The following BABAM2 variants were observed in gnomAD, a reference collection of about 807,000 sequenced individuals.
BABAM2 encodes BRISC and BRCA1-A complex member 2.
Under a neutral mutation model 54.7 loss-of-function variants are expected in BABAM2, and 31 were observed. That is an observed-to-expected ratio of 0.57 (90% confidence interval 0.43 to 0.77). The LOEUF (loss-of-function observed/expected upper bound fraction) is 0.77, where lower values mean the gene tolerates loss of function less well. Among genes scored for constraint, BABAM2 ranks in the 30% least tolerant of loss-of-function variants. The probability of loss-of-function intolerance (pLI) is 0.00; values close to 1 mark genes in which losing one functional copy is unlikely to be tolerated. For missense variants in BABAM2, 364 were observed against 455.8 expected, an observed-to-expected ratio of 0.80 and a Z score of 1.83; for synonymous variants, 167 against 162.9, an observed-to-expected ratio of 1.03 and a Z score of -0.19.
chr2:27,934,416 C>G (rs1414248975), intron 3 of BABAM2, among the ~76,000 whole-genome samples: 1 of 152,144 alleles, frequency 6.6e-6, no homozygotes, highest in African/African-American at 2.4e-5. Context: ...CTGTACTGAT[C>G]GTCCTTTTTC....
intron 7 of BABAM2, among the ~76,000 whole-genome samples, chr2:28,220,176 G>T (rs1033880693): frequency 2.0e-5 from 3 of 152,194 alleles, no homozygotes; most frequent in Non-Finnish European, 4.4e-5. Context: ...AGTGTGTAGC[G>T]CAGCAGCGGA....
intron 5 of BABAM2, among the ~76,000 whole-genome samples, chr2:28,035,453 G>C (rs921483435): frequency 1.3e-4 from 20 of 152,176 alleles, no homozygotes; most frequent in Admixed American, 1.2e-3. Context: ...TTTAATTTTT[G>C]CTGCTTGGGA....
At chr2:27,942,268 A>G (rs1453282276) in intron 3 of BABAM2, among the ~76,000 whole-genome samples, 1 of 152,252 alleles carries the variant, frequency 6.6e-6, no homozygotes, top group Non-Finnish European at 1.5e-5. Context: ...TTGTTGCATC[A>G]GCTGAAATAG....
chr2:28,000,483 T>C (rs542451601), intron 4 of BABAM2, among the ~76,000 whole-genome samples: 1 of 152,320 alleles, frequency 6.6e-6, no homozygotes, highest in South Asian at 2.1e-4. Flanking sequence ...ACTATTGATA[T>C]GACTTTGCAC....
At chr2:28,205,900 T>C (rs1226349094) in intron 7 of BABAM2, among the ~76,000 whole-genome samples, 1 of 152,212 alleles carries the variant, frequency 6.6e-6, no homozygotes, top group East Asian at 1.9e-4. Context: ...TTTTAAAATA[T>C]TAAAAATTCT....
At chr2:28,016,288 CA>C in intron 4 of BABAM2, 1 of 954,078 alleles carries the variant, frequency 1.0e-6, no homozygotes, top group East Asian at 2.5e-5. Context: ...AGTTCTCATT[CA>C]TTTTTTCTTC....
At chr2:28,323,872 T>TC (rs982316291) in intron 11 of BABAM2, among the ~76,000 whole-genome samples, 1 of 152,106 alleles carries the variant, frequency 6.6e-6, no homozygotes, top group African/African-American at 2.4e-5. Context: ...TTCTTTTCCT[T>TC]CCCCCAGACA....
At chr2:27,898,323 C>T (rs7592580) in intron 2 of BABAM2, among the ~76,000 whole-genome samples, 33,771 of 152,012 alleles carry the variant, frequency 0.22, 4,608 homozygotes, top group East Asian at 0.63. Context: ...TTGCATTTTA[C>T]TGCTAGGAAC....
At chr2:28,068,191 A>G (rs974401698) in intron 6 of BABAM2, among the ~76,000 whole-genome samples, 2 of 152,228 alleles carry the variant, frequency 1.3e-5, no homozygotes, top group Non-Finnish European at 2.9e-5. Flanking sequence ...CTACCGTAAT[A>G]AAGAATAGGA....
In BABAM2 at chr2:28,112,156, TCCCTCCCTCCCTCCC is replaced by T. The variant is rs1558346926; in HGVS notation, c.571-17114_571-17100del. On this transcript the variant is annotated intron_variant, in intron 6 of 11. Coordinates refer to ENST00000379624, the MANE Select transcript of BABAM2 (RefSeq NM_199191.3). ...TTCTTTCTTTCTTTCTTTACCTCCC[TCCCTCCCTCCCTCCC>T]TCCCTCCCTCCCTCCCTCCCTCCCT... Among the ~76,000 whole-genome samples, 56 of 11,416 alleles carry T rather than the reference TCCCTCCCTCCCTCCC, an allele frequency of 4.9e-3. 10 individuals carry two copies. Among genetic ancestry groups the T allele is most frequent in the African/African-American group, 0.014 (32 of 2,216 alleles). 7.5% of individuals were successfully genotyped at this position (11,416 alleles called of 152,430 possible). A position where few individuals can be genotyped will look rare whatever the true frequency, so the allele number is the denominator to read the frequency against.
chr2:28,217,088 A>C (rs2130292), intron 7 of BABAM2, among the ~76,000 whole-genome samples: 2 of 151,712 alleles, frequency 1.3e-5, no homozygotes, highest in Non-Finnish European at 2.9e-5. Context: ...ATCCATTGTC[A>C]TGCTCTTTGA....
chr2:27,961,308 C>T (rs912843937), intron 3 of BABAM2, among the ~76,000 whole-genome samples: 1 of 152,148 alleles, frequency 6.6e-6, no homozygotes, highest in Admixed American at 6.5e-5. Context: ...TTTCCCTTTG[C>T]GGTGGTGCGA....
intron 8 of BABAM2, among the ~76,000 whole-genome samples, chr2:28,240,815 A>T (rs1052468463): frequency 4.7e-5 from 7 of 150,516 alleles, no homozygotes; most frequent in African/African-American, 1.7e-4. Flanking sequence ...GGTTGCAGTG[A>T]GCTAAGATCG....
chr2:28,231,527 C>G (rs1014320793), intron 7 of BABAM2, among the ~76,000 whole-genome samples: 2 of 152,156 alleles, frequency 1.3e-5, no homozygotes, highest in Non-Finnish European at 1.5e-5. Context: ...GTTCCCCTTT[C>G]CATGCTTCAA....
chr2:28,283,268 C>T (rs778213551), intron 10 of BABAM2, among the ~76,000 whole-genome samples: 4 of 152,164 alleles, frequency 2.6e-5, no homozygotes, highest in Admixed American at 6.5e-5. Flanking sequence ...CACTCTATAG[C>T]GTAATCTCAT....
intron 5 of BABAM2, among the ~76,000 whole-genome samples, chr2:28,043,131 GTTTTT>G (rs757757963): frequency 7.2e-6 from 1 of 138,858 alleles, no homozygotes; most frequent in Non-Finnish European, 1.6e-5. Context: ...TTGGGAGCAT[GTTTTT>G]TTTTTTTTTT....
chr2:27,956,014 T>TAC (rs1028248842), intron 3 of BABAM2, among the ~76,000 whole-genome samples: 2 of 152,110 alleles, frequency 1.3e-5, no homozygotes, highest in Admixed American at 1.3e-4. Context: ...TGATTACCTT[T>TAC]ACCCCAGTTC....
At chr2:27,939,600 A>C (rs531565277) in intron 3 of BABAM2, among the ~76,000 whole-genome samples, 6 of 152,256 alleles carry the variant, frequency 3.9e-5, no homozygotes, top group African/African-American at 1.4e-4. Flanking sequence ...TAATTGGAAC[A>C]TTGCTCTTAA....
chr2:28,187,732 G>A (rs1676471019), intron 7 of BABAM2, among the ~76,000 whole-genome samples: 2 of 135,368 alleles, frequency 1.5e-5, no homozygotes, highest in Admixed American at 8.5e-5. Flanking sequence ...GCAGTGGTAC[G>A]ATCTTGACTC....
Sources: allele counts gnomAD v4.1 joint callset (sites outside exome capture counted in the v4.1 genomes callset), GRCh38; gene constraint gnomAD v4.1.1; transcripts MANE v1.5; gene names NCBI Gene and HGNC (gene_info 2026-07-23, HGNC 2026-07-21).